The following RASA3 variants were observed in gnomAD, a reference collection of about 807,000 sequenced individuals.
RASA3 encodes the protein RAS p21 protein activator 3, also known as ras GTPase-activating protein 3.
RASA3 carries 73 observed loss-of-function variants against 110.0 expected under a neutral mutation model. The observed-to-expected ratio is 0.66, with a 90% CI of 0.55 to 0.81. The LOEUF (loss-of-function observed/expected upper bound fraction) is 0.81, where lower values mean the gene tolerates loss of function less well. Ranked by LOEUF, RASA3 falls within the 30% of genes least tolerant of loss-of-function variation. The pLI is 0.00. For synonymous variants in RASA3, 500 were observed against 451.4 expected (o/e 1.11, Z -1.37); for missense variants, 976 against 1,113.2 (o/e 0.88, Z 1.75).
intron 2 of RASA3, among the ~76,000 whole-genome samples, chr13:114,068,545 G>A (rs1265827302): frequency 8.5e-5 from 13 of 152,214 alleles, no homozygotes; most frequent in Admixed American, 3.3e-4. Flanking sequence ...TGGACAAGAC[G>A]GTGATTTCCA....
intron 4 of RASA3, among the ~76,000 whole-genome samples, 157 bp from the exon 5 acceptor site, chr13:114,030,044 G>C (rs1412997419): frequency 6.6e-6 from 1 of 152,362 alleles, no homozygotes; most frequent in East Asian, 1.9e-4. Flanking sequence ...CCACCCCCGG[G>C]ACGCAGGGTC....
Position 113,996,684 on chromosome 13 carries a change from A to T in RASA3, c.1988T>A (p.Val663Glu). Residue 663 changes from valine (V) to glutamate (E), a missense_variant, in exon 21 of 24, where the codon GTG becomes GAG. Physicochemically the swap from Val to Glu is moderately radical, Grantham distance 121. Around this residue, in one of 4 missense-constraint regions of RASA3, gnomAD observed 109 missense variants for 162.5 expected, o/e 0.67. Transcript: ENST00000334062. The part of the protein sequence containing the change: ...RALYIQANNC[V>E]EAKDWIDILT... Reference sequence around the variant, plus strand: ...AATGTCGATCCAGTCCTTGGCCTCCACGCAGTTGTTGGCCTGGATGTACAG... The same window carrying T: ...AATGTCGATCCAGTCCTTGGCCTCCTCGCAGTTGTTGGCCTGGATGTACAG... The T allele has an allele frequency of 6.2e-7, 1 of 1,613,834 alleles. No individual in the cohort carries two copies. Among genetic ancestry groups the T allele is most frequent in the South Asian group, 1.1e-5 (1 of 91,080 alleles).
At chr13:114,093,260 A>G (rs2079907303) in intron 1 of RASA3, among the ~76,000 whole-genome samples, 2 of 152,216 alleles carry the variant, frequency 1.3e-5, no homozygotes, top group South Asian at 4.1e-4. Context: ...GGTAGTGATG[A>G]GTCTCCTCAG....
At chr13:113,999,774 GGGGGGTCTCTGCCA>G (rs2053342458) in intron 19 of RASA3, 107 bp from the exon 20 acceptor site, 2 of 462,118 alleles carry the variant, frequency 4.3e-6, no homozygotes, top group African/African-American at 6.7e-5. Flanking sequence ...GGTCTTTACC[GGGGGGTCTCTGCCA>G]GGGGGTCTCT....
At chr13:114,132,353 G>C (rs2080533384) in intron 1 of RASA3, 82 bp downstream of exon 1, 1 of 1,349,458 alleles carries the variant, frequency 7.4e-7, no homozygotes, top group South Asian at 1.6e-5. Context: ...TCCCCAGCAA[G>C]GATCTGCGGA....
chr13:114,010,297 TGTGCACCACAGCCCAGCCCTCTCCAG>T (rs1374015159), intron 16 of RASA3, among the ~76,000 whole-genome samples: 1 of 151,816 alleles, frequency 6.6e-6, no homozygotes, highest in Non-Finnish European at 1.5e-5. Context: ...CCTGGGCATC[TGTGCACCACAGCCCAGCCCTCTCCAG>T]ACGGAGCCCC....
rs190031022 is a variant in RASA3, at chr13:114,073,909, T to G, written c.56-72A>C. The G allele has an allele frequency of 8.7e-5, 115 of 1,318,910 alleles. No homozygotes were observed. In the African/African-American group the frequency reaches 1.4e-3, roughly 16 times the overall value. 81.7% of individuals were successfully genotyped at this position (1,318,910 alleles called of 1,614,324 possible). On this transcript the variant is annotated intron_variant, in intron 1 of 23. Coordinates refer to ENST00000334062, the MANE Select transcript of RASA3 (RefSeq NM_007368.4). ...GTTCCCTGCTACATCGCAGACACGT[T>G]TCCAGCCTTTGCTTGTGTGCATTCA...
intron 1 of RASA3, among the ~76,000 whole-genome samples, chr13:114,079,730 G>A (rs1468146781): frequency 6.6e-6 from 1 of 152,214 alleles, no homozygotes; most frequent in Non-Finnish European, 1.5e-5. Flanking sequence ...CGGGCTCTGA[G>A]CTGCTGACTG....
intron 2 of RASA3, among the ~76,000 whole-genome samples, chr13:114,070,702 G>A (rs1280933932): frequency 2.8e-5 from 4 of 142,654 alleles, no homozygotes; most frequent in Admixed American, 1.4e-4. Flanking sequence ...CACGCTAAAC[G>A]GCGCCACAGT....
intron 21 of RASA3, among the ~76,000 whole-genome samples, chr13:113,994,404 G>A (rs2053187382): frequency 6.6e-6 from 1 of 152,156 alleles, no homozygotes; most frequent in Non-Finnish European, 1.5e-5. Context: ...GTCTTCAACA[G>A]CTTGTAAAAA....
intron 3 of RASA3, 53 bp downstream of exon 3, chr13:114,051,999 G>T (rs568975267): frequency 3.6e-6 from 5 of 1,405,396 alleles, no homozygotes; most frequent in Middle Eastern, 1.8e-4. Context: ...GCTAATACTC[G>T]CCTGGTACAG....
chr13:114,067,866 C>T (rs748368479), intron 2 of RASA3, among the ~76,000 whole-genome samples: 2 of 152,198 alleles, frequency 1.3e-5, no homozygotes, highest in Non-Finnish European at 2.9e-5. Context: ...CTATCTGTTC[C>T]TTGACTTGTA....
chr13:114,122,612 C>T (rs766194082), intron 1 of RASA3, among the ~76,000 whole-genome samples: 6 of 152,196 alleles, frequency 3.9e-5, no homozygotes, highest in Admixed American at 6.5e-5. Context: ...CACCTGGGCC[C>T]GGGGGTGCAG....
chr13:113,978,985 C>T lies in RASA3; in HGVS notation c.*362G>A, dbSNP rs572397759. On this transcript the variant is annotated 3_prime_UTR_variant, in exon 24 of 24. Transcript: ENST00000334062. The stretch of plus-strand genomic sequence containing the variant: ...TGCACGAGACTGACGCACACACGGC[C>T]GGAGGTGCATGTCACAGTCGACTAG... The T allele has an allele frequency of 1.6e-4, 49 of 312,270 alleles. No homozygotes were observed. The highest frequency in any genetic ancestry group is 5.4e-4 in the Admixed American group (12 of 22,102). 19.3% of individuals were successfully genotyped at this position (312,270 alleles called of 1,614,324 possible). A position where few individuals can be genotyped will look rare whatever the true frequency, so the allele number is the denominator to read the frequency against.
intron 1 of RASA3, among the ~76,000 whole-genome samples, chr13:114,094,178 A>G (rs970285522): frequency 6.6e-6 from 1 of 152,218 alleles, no homozygotes; most frequent in Non-Finnish European, 1.5e-5. Context: ...GCATAGGTAC[A>G]GAATTCTTGT....
intron 1 of RASA3, among the ~76,000 whole-genome samples, chr13:114,128,964 T>A (rs1369152641): frequency 6.6e-6 from 1 of 152,100 alleles, no homozygotes; most frequent in African/African-American, 2.4e-5. Context: ...AGAAACACCT[T>A]GTGTGTTGCT....
At chr13:114,058,966 G>A (rs116365011) in intron 2 of RASA3, among the ~76,000 whole-genome samples, 15,887 of 152,290 alleles carry the variant, frequency 0.1, 1,152 homozygotes, top group African/African-American at 0.18. Context: ...GGGAGGCCAT[G>A]CCAGAAGCGC....
In RASA3 at chr13:114,040,911, C is replaced by T. The variant is rs540083970; in HGVS notation, c.372+89G>A. On this transcript the variant is annotated intron_variant, in intron 4 of 23. Transcript: ENST00000334062. ...CCAGTCAAGGCCGAAGCCCGATCTA[C>T]GTCTTTAGCCACAGTCGGAGCCGGG... is the stretch of plus-strand genomic sequence containing the variant. 159 of 1,241,160 alleles carry T rather than the reference C, an allele frequency of 1.3e-4. 3 individuals are homozygous for T. The South Asian group carries it at 1.6e-3, about 12-fold the overall frequency. 76.9% of individuals were successfully genotyped at this position (1,241,160 alleles called of 1,614,324 possible). A position where few individuals can be genotyped will look rare whatever the true frequency, so the allele number is the denominator to read the frequency against.
chr13:114,064,321 C>T (rs1395803175), intron 2 of RASA3, among the ~76,000 whole-genome samples: 2 of 152,306 alleles, frequency 1.3e-5, no homozygotes, highest in African/African-American at 4.8e-5. Context: ...GGTGAGCACC[C>T]GGCAGGAAGT....
Sources: allele counts gnomAD v4.1 joint callset (sites outside exome capture counted in the v4.1 genomes callset), GRCh38; gene constraint gnomAD v4.1.1; regional missense constraint gnomAD v4.1.1; transcripts MANE v1.5; gene names NCBI Gene and HGNC (gene_info 2026-07-23, HGNC 2026-07-21).